Variants in NEK6 observed in about 807,000 individuals in gnomAD.
The protein encoded by NEK6 is NIMA related kinase 6.
NEK6 carries 27 observed loss-of-function variants against 43.5 expected under a neutral mutation model. The ratio of observed to expected loss-of-function variants is 0.62; its 90% CI spans 0.46 to 0.86. The LOEUF (loss-of-function observed/expected upper bound fraction) is 0.86, where lower values mean the gene tolerates loss of function less well. NEK6 is among the 40% of genes least tolerant of loss of function. The pLI is 0.00. For missense variants in NEK6, 318 were observed against 414.4 expected, an observed-to-expected ratio of 0.77 and a Z score of 2.02; for synonymous variants, 167 against 164.1, an observed-to-expected ratio of 1.02 and a Z score of -0.14.
chr9:124,334,021 C>T (rs1473905470), intron 7 of NEK6, among the ~76,000 whole-genome samples: 7 of 152,170 alleles, frequency 4.6e-5, no homozygotes, highest in Non-Finnish European at 8.8e-5. Flanking sequence ...TCGTGATCCA[C>T]CCGCCTTGGC....
intron 1 of NEK6, chr9:124,292,278 A>T (rs1278188704): frequency 1.7e-5 from 22 of 1,308,440 alleles, no homozygotes. Context: ...AGCCAGTCCC[A>T]CCAACCTGAC....
intron 5 of NEK6, among the ~76,000 whole-genome samples, chr9:124,322,155 A>G (rs111783366): frequency 0.01 from 1,577 of 152,192 alleles, 23 homozygotes; most frequent in African/African-American, 0.036. Flanking sequence ...CTGGCCTGGG[A>G]CCCTTTGGTG....
rs1276377094 is a variant in NEK6, at chr9:124,257,971, C to T, written c.-144C>T. The T allele has an allele frequency of 2.7e-5, 26 of 978,580 alleles. No homozygotes were observed. The highest frequency in any genetic ancestry group is 3.0e-5 in the Non-Finnish European group (25 of 827,422). The allele number at this position is 978,580 out of a possible 1,614,324, so 60.6% of individuals were successfully genotyped here. ...CAGGCGGTGGCGGCGGCGGCGGAACCGAGCTGACGGGCGTGCGGCCGCTGC... is the reference window on the plus strand; with the variant it reads ...CAGGCGGTGGCGGCGGCGGCGGAACTGAGCTGACGGGCGTGCGGCCGCTGC... On this transcript the variant is annotated 5_prime_UTR_variant, in exon 1 of 10. Coordinates refer to ENST00000320246, the MANE Select transcript of NEK6 (RefSeq NM_014397.6).
chr9:124,260,129 G>C (rs549358715), intron 1 of NEK6, among the ~76,000 whole-genome samples: 106 of 152,270 alleles, frequency 7.0e-4, no homozygotes, highest in African/African-American at 2.4e-3. Flanking sequence ...GGGCAGCTGA[G>C]AGGAGGTGGG....
intron 1 of NEK6, among the ~76,000 whole-genome samples, chr9:124,295,141 T>C (rs871998): frequency 0.41 from 62,461 of 152,214 alleles, 13,595 homozygotes; most frequent in East Asian, 0.64. Flanking sequence ...CCTGTCTGCA[T>C]GGCCACCTTC....
chr9:124,326,245 A>C lies in NEK6; in HGVS notation c.406-85A>C. 2.9e-5 allele frequency: 10 copies of C among 344,782 alleles called. No homozygotes were observed. Among genetic ancestry groups the C allele is most frequent in the East Asian group, 2.5e-4 (4 of 16,078 alleles). 21.4% of individuals were successfully genotyped at this position (344,782 alleles called of 1,614,324 possible). A position where few individuals can be genotyped will look rare whatever the true frequency, so the allele number is the denominator to read the frequency against. On this transcript the variant is annotated intron_variant, in intron 5 of 9. Coordinates refer to ENST00000320246, the MANE Select transcript of NEK6 (RefSeq NM_014397.6). The surrounding 1 kb of genome is among the most constrained non-coding windows in gnomAD (Gnocchi z 4.5). ...GCCAGGCACCAGTTACCCACTGGGGAAAGGACAGAGGCAGTGCCCTGTGGC... is the reference window on the plus strand; with the variant it reads ...GCCAGGCACCAGTTACCCACTGGGGCAAGGACAGAGGCAGTGCCCTGTGGC...
At chr9:124,294,023 G>A (rs931726249) in intron 1 of NEK6, among the ~76,000 whole-genome samples, 3 of 152,204 alleles carry the variant, frequency 2.0e-5, no homozygotes, top group Admixed American at 2.0e-4. Context: ...GGATGGGGAC[G>A]TTTAAGGCTC....
intron 7 of NEK6, among the ~76,000 whole-genome samples, chr9:124,331,727 G>C (rs926551055): frequency 2.0e-5 from 3 of 152,212 alleles, no homozygotes; most frequent in African/African-American, 7.2e-5. Context: ...TGCTGCGTCT[G>C]TGCCCAGGCC....
chr9:124,261,248 C>A, intron 1 of NEK6: 1 of 297,398 alleles, frequency 3.4e-6, no homozygotes, highest in Non-Finnish European at 5.0e-6. Context: ...TCGCCCAGGG[C>A]CAGAGCTACT....
rs74907237 is a variant in NEK6, at chr9:124,349,330, G to A, written c.832-1507G>A. 2.9e-3 allele frequency among the ~76,000 whole-genome samples: 441 copies of A among 152,340 alleles called. 1 individual carries two copies. The highest frequency in any genetic ancestry group is 0.01 in the African/African-American group (429 of 41,586). On this transcript the variant is annotated intron_variant, in intron 9 of 9. Transcript: ENST00000320246. ...ATTCGGACTTGTGTATGATTCAGAAGCTTGAAGCTGTGCAACTGGAGCTGG... is the reference window on the plus strand; with the variant it reads ...ATTCGGACTTGTGTATGATTCAGAAACTTGAAGCTGTGCAACTGGAGCTGG...
chr9:124,315,392 C>T (rs984185077), intron 4 of NEK6, among the ~76,000 whole-genome samples: 1 of 152,226 alleles, frequency 6.6e-6, no homozygotes, highest in Non-Finnish European at 1.5e-5. Flanking sequence ...GAAGTGGCTG[C>T]AAGTCGGGGG....
At chr9:124,279,300 C>CTTT (rs1165676719) in intron 1 of NEK6, among the ~76,000 whole-genome samples, 60 of 138,162 alleles carry the variant, frequency 4.3e-4, no homozygotes, top group African/African-American at 9.8e-4. Flanking sequence ...TTTCTCTTCC[C>CTTT]TTTTTTTTTT....
intron 1 of NEK6, chr9:124,265,958 A>G (rs1336276841): frequency 6.6e-6 from 1 of 151,960 alleles, no homozygotes; most frequent in Non-Finnish European, 1.5e-5. Flanking sequence ...GGCTGTCACA[A>G]CCCCTTCTTA....
chr9:124,290,149 G>A lies in NEK6; in HGVS notation c.-29-11787G>A, dbSNP rs538864233. Among the ~76,000 whole-genome samples, 605 of 152,354 alleles carry A rather than the reference G, an allele frequency of 4.0e-3. 3 individuals are homozygous for A. The highest frequency in any genetic ancestry group is 7.0e-3 in the Non-Finnish European group (478 of 68,030). The stretch of plus-strand genomic sequence containing the variant: ...GAAGACGCCGCCACCTGGATGCACT[G>A]AGGTGTGCACAGCCACGTGGAGATG... On this transcript the variant is annotated intron_variant, in intron 1 of 9. Transcript: ENST00000320246.
intron 7 of NEK6, among the ~76,000 whole-genome samples, chr9:124,331,898 A>G (rs1345138998): frequency 2.6e-5 from 4 of 152,346 alleles, no homozygotes; most frequent in Middle Eastern, 6.8e-3. Context: ...CCAACAGTGC[A>G]GGATGCCTGG....
chr9:124,287,871 G>A (rs1832232046), intron 1 of NEK6, among the ~76,000 whole-genome samples: 1 of 152,176 alleles, frequency 6.6e-6, no homozygotes, highest in South Asian at 2.1e-4. Context: ...TTCACCCTCT[G>A]GAACCATGAG....
Position 124,258,304 on chromosome 9 carries a change from G to T in NEK6, c.-30+219G>T, listed in dbSNP as rs796167512. 6.1e-6 allele frequency: 6 copies of T among 985,348 alleles called. No individual in the cohort carries two copies. The African/African-American group carries it at 8.7e-5, about 14-fold the overall frequency. 61.0% of individuals were successfully genotyped at this position (985,348 alleles called of 1,614,324 possible). The stretch of plus-strand genomic sequence containing the variant: ...GCGGCGTGTCCGCGTGTCCCGGGGT[G>T]TGCGCGTCCCCGGCGGGTGTGCGTG... On this transcript the variant is annotated intron_variant, in intron 1 of 9. Transcript: ENST00000320246.
At chr9:124,259,200 A>G (rs953645432) in intron 1 of NEK6, 7 of 152,146 alleles carry the variant, frequency 4.6e-5, no homozygotes, top group African/African-American at 1.7e-4. Context: ...TTTGCAGCTG[A>G]AAGTCTTAAT....
chr9:124,260,287 G>T (rs779077367), intron 1 of NEK6, among the ~76,000 whole-genome samples: 4 of 152,146 alleles, frequency 2.6e-5, no homozygotes, highest in Non-Finnish European at 5.9e-5. Context: ...CGTAGATAGG[G>T]TTTATTATCC....
Sources: gnomAD v4.1 joint callset for allele counts (sites outside exome capture counted in the v4.1 genomes callset) on GRCh38, gnomAD v4.1.1 for gene constraint, Gnocchi (gnomAD v3.1) non-coding constraint, MANE v1.5 for transcripts, NCBI Gene and HGNC (gene_info 2026-07-23, HGNC 2026-07-21) for gene names.